Variants in ADCY7 observed in about 807,000 individuals in gnomAD.
The protein encoded by ADCY7 is adenylate cyclase type 7.
Under a neutral mutation model 120.6 loss-of-function variants are expected in ADCY7, and 72 were observed. That is an observed-to-expected ratio of 0.60 (90% confidence interval 0.49 to 0.73). The LOEUF is 0.73. ADCY7 is among the 30% of genes least tolerant of loss of function. The pLI is 0.00. For missense variants in ADCY7, 1,227 were observed against 1,486.0 expected, an observed-to-expected ratio of 0.83 and a Z score of 2.87; for synonymous variants, 661 against 628.0, an observed-to-expected ratio of 1.05 and a Z score of -0.78.
chr16:50,257,994 C>T (rs2032961740), intron 1 of ADCY7, among the ~76,000 whole-genome samples: 1 of 152,124 alleles, frequency 6.6e-6, no homozygotes, highest in Admixed American at 6.6e-5. Context: ...ATACGCTTGC[C>T]TCGGCCTCCC....
intron 10 of ADCY7, among the ~76,000 whole-genome samples, chr16:50,304,082 G>A (rs1020037979): frequency 2.6e-5 from 4 of 152,088 alleles, no homozygotes; most frequent in African/African-American, 9.7e-5. Flanking sequence ...GTACAGTGGT[G>A]GGTACTTGCT....
At chr16:50,305,081 G>A in intron 12 of ADCY7, 122 bp downstream of exon 12, 1 of 1,308,398 alleles carries the variant, frequency 7.6e-7, no homozygotes, top group Non-Finnish European at 1.1e-6. Flanking sequence ...CTGTGAAGTT[G>A]GCCAGGGCTT....
chr16:50,262,368 C>T (rs903169597), upstream of ADCY7, among the ~76,000 whole-genome samples: 3 of 152,046 alleles, frequency 2.0e-5, no homozygotes, highest in African/African-American at 7.2e-5. Flanking sequence ...AGCGATCCTC[C>T]CACCTCAGCC....
intron 22 of ADCY7, 78 bp from the exon 23 acceptor site, chr16:50,313,880 A>C (rs1596999017): frequency 8.1e-7 from 1 of 1,230,170 alleles, no homozygotes; most frequent in Non-Finnish European, 1.2e-6. Context: ...GGAACCCCAC[A>C]CCCTTCCTGA....
chr16:50,306,166 G>A (rs1251008531), intron 14 of ADCY7, among the ~76,000 whole-genome samples: 1 of 152,238 alleles, frequency 6.6e-6, no homozygotes, highest in African/African-American at 2.4e-5. Flanking sequence ...GATGGCACCG[G>A]CCTTGCAATG....
chr16:50,275,683 C>A (rs368628575), intron 1 of ADCY7, among the ~76,000 whole-genome samples: 1 of 152,128 alleles, frequency 6.6e-6, no homozygotes, highest in Non-Finnish European at 1.5e-5. Flanking sequence ...TGTGTGGCTG[C>A]GCATATGTAG....
chr16:50,283,387 G>A (rs1202320160), intron 1 of ADCY7, among the ~76,000 whole-genome samples: 3 of 152,156 alleles, frequency 2.0e-5, no homozygotes, highest in Admixed American at 1.3e-4. Flanking sequence ...GTGGTGGCTC[G>A]GGTGTCTGCT....
At chr16:50,245,696 G>A (rs1459687206), upstream of ADCY7, among the ~76,000 whole-genome samples, 1 of 152,128 alleles carries the variant, frequency 6.6e-6, no homozygotes, top group Non-Finnish European at 1.5e-5. Flanking sequence ...TTGGGAGGAG[G>A]GCACTGGCCC....
intron 16 of ADCY7, 124 bp from the exon 17 acceptor site, chr16:50,308,543 T>C: frequency 3.2e-6 from 5 of 1,552,312 alleles, no homozygotes; most frequent in African/African-American, 1.4e-5. Flanking sequence ...CTCTCCTGCC[T>C]CGGGGACAAT....
At chr16:50,289,439 C>A in intron 2 of ADCY7, 1 of 321,000 alleles carries the variant, frequency 3.1e-6, no homozygotes, top group South Asian at 2.2e-5. Flanking sequence ...AGCTATTGAG[C>A]ATTTAAAAAG....
At chr16:50,249,300 C>T (rs2032681606) in intron 1 of ADCY7, among the ~76,000 whole-genome samples, 2 of 152,164 alleles carry the variant, frequency 1.3e-5, no homozygotes, top group Admixed American at 1.3e-4. Flanking sequence ...ATTAGCCAGG[C>T]ATGGTGGTGT....
intron 1 of ADCY7, among the ~76,000 whole-genome samples, chr16:50,285,705 C>T (rs888678032): frequency 2.0e-5 from 3 of 152,128 alleles, no homozygotes; most frequent in African/African-American, 7.2e-5. Flanking sequence ...ACTCTTGGTC[C>T]AGGGTTGCCC....
Position 50,314,035 on chromosome 16 carries a change from C to G in ADCY7, c.2829C>G (p.Leu943=). 6.2e-7 allele frequency: 1 copy of G among 1,614,150 alleles called. No individual in the cohort carries two copies. Residue 943 remains leucine, a synonymous_variant, in exon 23 of 26, where the codon CTC becomes CTG. Coordinates refer to ENST00000673801, the MANE Select transcript of ADCY7 (RefSeq NM_001114.5). ...GCACGTACATGGCAGCTGCAGGGCT[C>G]AGCGTCGCCTCAGGGCACGAGAACC... ...IGSTYMAAAG[L]SVASGHENQE...
In ADCY7 at chr16:50,290,370, T is replaced by C. The variant is rs972412056; in HGVS notation, c.172-87T>C. On this transcript the variant is annotated intron_variant, in intron 2 of 25. Transcript: ENST00000673801. ...CCCTTCACGTGGAGGAAGCTGTAAG[T>C]GAGGCAGCCGGCCCGGCAGGCTTTC... 33 of 1,452,496 alleles carry C rather than the reference T, an allele frequency of 2.3e-5. 1 individual carries two copies. In the East Asian group the frequency reaches 7.7e-4, roughly 34 times the overall value. The allele number at this position is 1,452,496 out of a possible 1,614,324, so 90.0% of individuals were successfully genotyped here.
At chr16:50,270,559 G>A (rs768325196) in intron 1 of ADCY7, among the ~76,000 whole-genome samples, 25 of 152,308 alleles carry the variant, frequency 1.6e-4, no homozygotes, top group Non-Finnish European at 3.2e-4. Flanking sequence ...CAGCGGAGGC[G>A]CTACCTAAGT....
chr16:50,308,451 G>A lies in ADCY7; in HGVS notation c.1935+40G>A. 4 of 1,612,420 alleles carry A rather than the reference G, an allele frequency of 2.5e-6. No homozygotes were observed. In the African/African-American group the frequency reaches 4.0e-5, roughly 16 times the overall value. On this transcript the variant is annotated intron_variant, in intron 16 of 25. Transcript: ENST00000673801. ...CTGGCCCCGCGGGCCCTCCCTCCCTGCCTCAGGACACCTGCCTAGGAGCCC... is the reference window on the plus strand; with the variant it reads ...CTGGCCCCGCGGGCCCTCCCTCCCTACCTCAGGACACCTGCCTAGGAGCCC...
chr16:50,311,575 C>A (rs2036462086), intron 19 of ADCY7, 118 bp from the exon 20 acceptor site: 1 of 756,842 alleles, frequency 1.3e-6, no homozygotes, highest in African/African-American at 1.7e-5. Context: ...GTTTTCTACC[C>A]ACCCCATTAG....
intron 2 of ADCY7, 116 bp from the exon 3 acceptor site, chr16:50,290,341 C>T (rs2034862831): frequency 3.5e-6 from 4 of 1,140,078 alleles, no homozygotes; most frequent in Non-Finnish European, 5.1e-6. Flanking sequence ...AGGGTGCATC[C>T]ACACCCTTCA....
At chr16:50,303,711 G>A (rs550026768) in intron 10 of ADCY7, among the ~76,000 whole-genome samples, 5 of 152,262 alleles carry the variant, frequency 3.3e-5, no homozygotes, top group Admixed American at 1.3e-4. Context: ...GCTGGGTCTC[G>A]CAGGCACGTG....
Sources: gnomAD v4.1 joint callset for allele counts (sites outside exome capture counted in the v4.1 genomes callset) on GRCh38, gnomAD v4.1.1 for gene constraint, MANE v1.5 for transcripts, NCBI Gene and HGNC (gene_info 2026-07-23, HGNC 2026-07-21) for gene names.